Variants in SAMD12 observed in about 807,000 individuals in gnomAD.
The protein encoded by SAMD12 is sterile alpha motif domain containing 12, also known as sterile alpha motif domain-containing protein 12.
SAMD12 carries 9 observed loss-of-function variants against 15.0 expected under a neutral mutation model. That is an observed-to-expected ratio of 0.60 (90% CI 0.36 to 1.05). The LOEUF (loss-of-function observed/expected upper bound fraction) is 1.05, where lower values mean the gene tolerates loss of function less well. SAMD12 is among the 50% of genes least tolerant of loss of function. The pLI, the probability that SAMD12 is intolerant of heterozygous loss-of-function variation, is 0.01. For missense variants in SAMD12, 230 were observed against 234.2 expected (o/e 0.98, Z 0.12); for synonymous variants, 86 against 90.1 (o/e 0.96, Z 0.25).
chr8:118,234,012 T>A lies in SAMD12; in HGVS notation c.434-36280A>T, dbSNP rs570153653. Among the ~76,000 whole-genome samples, 3 of 152,264 alleles carry A rather than the reference T, an allele frequency of 2.0e-5. No individual in the cohort carries two copies. The South Asian group carries it at 6.2e-4, about 32-fold the overall frequency. ...CTCACCTTTGGGACAAATGAAGTGG[T>A]TTGGCCTCACTTTGGGAGTAATGTT... On this transcript the variant is annotated intron_variant, in intron 4 of 4. Coordinates refer to the SAMD12 transcript ENST00000409003.
chr8:118,472,365 G>A (rs1311212083), intron 2 of SAMD12, among the ~76,000 whole-genome samples: 4 of 151,802 alleles, frequency 2.6e-5, no homozygotes, highest in East Asian at 1.9e-4. Flanking sequence ...AATGGGTCTC[G>A]AAAGCCTGTC....
chr8:118,492,262 G>A lies in SAMD12; in HGVS notation c.193-52301C>T, dbSNP rs974525572. ...GCCTATTGGCCATTTCAATACTTTCGTTTTAGAAGTGTCCATTCGAATCTT... is the reference window on the plus strand; with the variant it reads ...GCCTATTGGCCATTTCAATACTTTCATTTTAGAAGTGTCCATTCGAATCTT... On this transcript the variant is annotated intron_variant, in intron 2 of 3. Coordinates refer to ENST00000314727, the MANE Select transcript of SAMD12 (RefSeq NM_207506.3). Among the ~76,000 whole-genome samples, 36 of 151,192 alleles carry A rather than the reference G, an allele frequency of 2.4e-4. 2 individuals are homozygous for A. In the Middle Eastern group the frequency reaches 0.01, roughly 43 times the overall value.
intron 4 of SAMD12, among the ~76,000 whole-genome samples, chr8:118,359,860 T>A (rs938612634): frequency 3.3e-5 from 5 of 152,198 alleles, no homozygotes; most frequent in African/African-American, 1.2e-4. Context: ...TGTGGCTAAG[T>A]ATCCTGGGGT....
downstream of SAMD12, among the ~76,000 whole-genome samples, chr8:118,186,555 A>T (rs370743354): frequency 6.8e-6 from 1 of 146,750 alleles, no homozygotes; most frequent in Admixed American, 6.8e-5. Flanking sequence ...GTTACCCTCC[A>T]TTTTTTTTTT....
intron 4 of SAMD12, among the ~76,000 whole-genome samples, chr8:118,304,344 T>G (rs967224210): frequency 6.6e-6 from 1 of 152,250 alleles, no homozygotes; most frequent in African/African-American, 2.4e-5. Flanking sequence ...GGTCTTTAAG[T>G]CTTCCTAGTC....
intron 4 of SAMD12, among the ~76,000 whole-genome samples, chr8:118,261,101 G>A (rs1272368598): frequency 2.0e-5 from 3 of 152,028 alleles, no homozygotes; most frequent in African/African-American, 7.2e-5. Flanking sequence ...TAAAATTTTA[G>A]TCTTAAAATT....
chr8:118,343,553 G>C (rs1320490837), intron 4 of SAMD12, among the ~76,000 whole-genome samples: 7 of 151,996 alleles, frequency 4.6e-5, no homozygotes. Context: ...GGAGGGGCTG[G>C]GTTGGGATTA....
intron 1 of SAMD12, among the ~76,000 whole-genome samples, chr8:118,615,002 C>T (rs1191369846): frequency 6.6e-6 from 1 of 152,212 alleles, no homozygotes; most frequent in Non-Finnish European, 1.5e-5. Flanking sequence ...CAAGATCCAA[C>T]TGGACTGTGG....
intron 2 of SAMD12, among the ~76,000 whole-genome samples, chr8:118,473,767 A>T (rs1823877297): frequency 6.6e-6 from 1 of 152,056 alleles, no homozygotes; most frequent in South Asian, 2.1e-4. Flanking sequence ...GTCTCTAGAT[A>T]AGCTGCTTAT....
intron 2 of SAMD12, among the ~76,000 whole-genome samples, chr8:118,485,731 AAGTAG>A (rs1824258999): frequency 6.6e-6 from 1 of 152,224 alleles, no homozygotes; most frequent in Non-Finnish European, 1.5e-5. Flanking sequence ...AGGGAACTAA[AAGTAG>A]TGTTTGAGGA....
At chr8:118,167,849 G>A in the SAMD12 span, among the ~76,000 whole-genome samples, 1 of 152,044 alleles carries the variant, frequency 6.6e-6, no homozygotes, top group East Asian at 1.9e-4. Context: ...AACCCAACAT[G>A]TTCAACTACA....
At chr8:118,307,833 GGGTTGGGTTCTGCCA>G (rs1815422880) in intron 4 of SAMD12, among the ~76,000 whole-genome samples, 4 of 152,026 alleles carry the variant, frequency 2.6e-5, no homozygotes, top group African/African-American at 9.7e-5. Flanking sequence ...GCTTTTGTTT[GGGTTGGGTTCTGCCA>G]ATGTGAAGTG....
intron 3 of SAMD12, among the ~76,000 whole-genome samples, chr8:118,399,472 C>A (rs1490778972): frequency 2.6e-5 from 4 of 152,108 alleles, no homozygotes; most frequent in Non-Finnish European, 4.4e-5. Context: ...AAGGTCATGT[C>A]TCTCTTCCTG....
chr8:118,310,871 C>T (rs1815593270), intron 4 of SAMD12, among the ~76,000 whole-genome samples: 1 of 152,176 alleles, frequency 6.6e-6, no homozygotes, highest in Non-Finnish European at 1.5e-5. Flanking sequence ...AATATTCCTA[C>T]CAGATAGATA....
chr8:118,379,596 G>A lies in SAMD12; in HGVS notation c.427C>T (p.Arg143Ter), dbSNP rs764723335. ...ILQQVLQLKVREEVRNLQLLT... is the reference protein window; with the variant it reads ...ILQQVLQLKV Reference sequence around the variant, plus strand: ...AACTGTAGATTTCTGACTTCTTCTCGCACCTTCAGCTGGAGCACCTGTTGT... The same window carrying A: ...AACTGTAGATTTCTGACTTCTTCTCACACCTTCAGCTGGAGCACCTGTTGT... Residue 143 changes from arginine (R) to a stop codon, truncating the protein, a stop_gained, in exon 4 of 4, where the codon CGA becomes TGA. Transcript: ENST00000314727. LOFTEE classifies it low-confidence loss of function (END_TRUNC). 2.5e-6 allele frequency: 4 copies of A among 1,613,868 alleles called. No homozygotes were observed. The highest frequency in any genetic ancestry group is 1.1e-5 in the South Asian group (1 of 91,068).
chr8:118,286,929 C>G (rs1025191962), intron 4 of SAMD12, among the ~76,000 whole-genome samples: 2 of 152,220 alleles, frequency 1.3e-5, no homozygotes, highest in African/African-American at 4.8e-5. Flanking sequence ...AGCCTGCTCT[C>G]ATGTGCCTGA....
chr8:118,351,041 C>G (rs967050714), intron 4 of SAMD12, among the ~76,000 whole-genome samples: 2 of 152,220 alleles, frequency 1.3e-5, no homozygotes, highest in African/African-American at 2.4e-5. Context: ...AAAATCTACT[C>G]TTTCTCACCA....
chr8:118,302,349 G>A (rs1026066890), intron 4 of SAMD12, among the ~76,000 whole-genome samples: 1 of 152,086 alleles, frequency 6.6e-6, no homozygotes, highest in Non-Finnish European at 1.5e-5. Flanking sequence ...TGTTTATTGA[G>A]TATGTACTGT....
chr8:118,211,450 T>G lies in SAMD12; in HGVS notation c.434-13718A>C, dbSNP rs1414037604. Among the ~76,000 whole-genome samples the G allele has an allele frequency of 2.0e-5, 3 of 152,224 alleles. No homozygotes were observed. In the East Asian group the frequency reaches 5.8e-4, roughly 29 times the overall value. On this transcript the variant is annotated intron_variant, in intron 4 of 4. Coordinates refer to the SAMD12 transcript ENST00000409003. Reference sequence around the variant, plus strand: ...GACAGAGAGAGAGGGAGGAAGCTCCTGGCATTTCCTTAGGGTGAGTGAGTA... The same window carrying G: ...GACAGAGAGAGAGGGAGGAAGCTCCGGGCATTTCCTTAGGGTGAGTGAGTA...
Sources: allele counts gnomAD v4.1 joint callset (sites outside exome capture counted in the v4.1 genomes callset), GRCh38; gene constraint gnomAD v4.1.1; transcripts MANE v1.5; gene names NCBI Gene and HGNC (gene_info 2026-07-23, HGNC 2026-07-21).